The following DAXX variants were observed in gnomAD, a reference collection of about 807,000 sequenced individuals.
DAXX encodes death domain-associated protein 6.
In DAXX, 24 loss-of-function variants were observed where a neutral mutation model predicts 61.9. That is an observed-to-expected ratio of 0.39 (90% CI 0.28 to 0.55). The LOEUF (loss-of-function observed/expected upper bound fraction) is 0.55, where lower values mean the gene tolerates loss of function less well. Among genes scored for constraint, DAXX ranks in the 20% least tolerant of loss-of-function variants. DAXX has a pLI of 0.69. For synonymous variants in DAXX, 357 were observed against 369.5 expected (o/e 0.97, Z 0.39); for missense variants, 819 against 935.3 (o/e 0.88, Z 1.62).
rs769768112 is a variant in DAXX, at chr6:33,320,053, C to T, written c.1423G>A (p.Glu475Lys). ...TCTTCGTCCTCCTCTTCATCATCCT[C>T]CTGACCCTCCTGCATCTGTTCCAGA... ...EDLEQMQEGQ[E>K]DDEEEDEEEE... The change falls in exon 5 of 8, where the codon GAG (glutamate) becomes AAG (lysine). Residue 475 changes from glutamate (E) to lysine (K), a missense_variant. Transcript: ENST00000374542. The surrounding 1 kb of genome is among the most constrained non-coding windows in gnomAD (Gnocchi z 7.1). 5 of 1,613,218 alleles carry T rather than the reference C, an allele frequency of 3.1e-6. No homozygotes were observed. Among genetic ancestry groups the T allele is most frequent in the South Asian group, 1.1e-5 (1 of 91,032 alleles).
chr6:33,322,123 C>CCTG, intron 1 of DAXX, 146 bp from the exon 2 acceptor site: 1 of 492,124 alleles, frequency 2.0e-6, no homozygotes, highest in Non-Finnish European at 3.5e-6. Flanking sequence ...ACCATTAGTT[C>CCTG]TATATGCTTT....
At position 33,320,636 on chromosome 6, in the gene DAXX, A is replaced by C; in HGVS notation, c.1040-45T>G. The C allele has an allele frequency of 6.2e-7, 1 of 1,606,166 alleles. No homozygotes were observed. Among genetic ancestry groups the C allele is most frequent in the Non-Finnish European group, 8.5e-7 (1 of 1,175,654 alleles). The stretch of plus-strand genomic sequence containing the variant: ...GTCAGAGCACTCAGCCCTTGAAGGG[A>C]CTAGAAGAGTAAAAACCCTAGAAAG... On this transcript the variant is annotated intron_variant, in intron 3 of 7. Transcript: ENST00000374542. The surrounding 1 kb of genome is among the most constrained non-coding windows in gnomAD (Gnocchi z 7.1).
chr6:33,318,652 G>T lies in DAXX; in HGVS notation c.*91C>A. On this transcript the variant is annotated 3_prime_UTR_variant, in exon 8 of 8. Transcript: ENST00000374542. Reference sequence around the variant, plus strand: ...AAGAAACACCACCAAAAGGGGATTAGCTTAGTCCATCCCTTCCTCAGTCAT... The same window carrying T: ...AAGAAACACCACCAAAAGGGGATTATCTTAGTCCATCCCTTCCTCAGTCAT... The T allele has an allele frequency of 1.8e-6, 1 of 560,320 alleles. No homozygotes were observed. Among genetic ancestry groups the T allele is most frequent in the Non-Finnish European group, 3.2e-6 (1 of 311,736 alleles). The allele number at this position is 560,320 out of a possible 1,614,324, so 34.7% of individuals were successfully genotyped here. A position where few individuals can be genotyped will look rare whatever the true frequency, so the allele number is the denominator to read the frequency against.
chr6:33,318,916 G>A (rs888844551), intron 7 of DAXX, 81 bp downstream of exon 7: 145 of 1,359,230 alleles, frequency 1.1e-4, no homozygotes, highest in Non-Finnish European at 1.4e-4. Flanking sequence ...GATGTGGCAC[G>A]TGGAATATTC....
At position 33,319,385 on chromosome 6, in the gene DAXX, T is replaced by G. The variant is rs746991098; in HGVS notation, c.1935A>C (p.Gly645=). 13 of 1,610,416 alleles carry G rather than the reference T, an allele frequency of 8.1e-6. No homozygotes were observed. The Admixed American group carries it at 2.0e-4, about 25-fold the overall frequency. The change falls in exon 6 of 8, where the codon GGA becomes GGC. Residue 645 remains glycine, a synonymous_variant. Coordinates refer to ENST00000374542, the MANE Select transcript of DAXX (RefSeq NM_001141969.2). ...EKKQTGSGPL[G]NSYVERQRSV... ...CCTCCTCCTCTTGTTATTACCTGTTTCCTAATGGCCCTGATCCTGTTTGCT... is the reference window on the plus strand; with the variant it reads ...CCTCCTCCTCTTGTTATTACCTGTTGCCTAATGGCCCTGATCCTGTTTGCT...
In DAXX at chr6:33,321,677, C is replaced by G. The variant is rs767010958; in HGVS notation, c.207+42G>C. 1.2e-6 allele frequency: 2 copies of G among 1,603,110 alleles called. No homozygotes were observed. Among genetic ancestry groups the G allele is most frequent in the East Asian group, 4.5e-5 (2 of 44,624 alleles). On this transcript the variant is annotated intron_variant, in intron 2 of 7. Transcript: ENST00000374542. The surrounding 1 kb of genome is among the most constrained non-coding windows in gnomAD (Gnocchi z 7.2). ...AAGGACAGGAGAACCAGTCAGCCAT[C>G]CCCCTCCCTGGGGTACAACAATCTT...
Position 33,321,434 on chromosome 6 carries a change from G to A in DAXX, c.341C>T (p.Ser114Phe), listed in dbSNP as rs2150997743. 1 of 1,613,944 alleles carries A rather than the reference G, an allele frequency of 6.2e-7. No individual in the cohort carries two copies. Residue 114 changes from serine (S) to phenylalanine (F), a missense_variant, in exon 3 of 8, where the codon TCT (serine) becomes TTT (phenylalanine). Transcript: ENST00000374542. This position sits in a 1 kb window ranked among gnomAD's most constrained non-coding sequence, Gnocchi z 7.2. ...EFCNILSRVLSRARSRPAKLY... is the reference protein window; with the variant it reads ...EFCNILSRVLFRARSRPAKLY... ...CTTGGCTGGCCGGCTCCGGGCCCGA[G>A]ACAGGACCCTAGAGAGGATGTTGCA...
Position 33,319,272 on chromosome 6 carries a change from G to A in DAXX, c.1941-53C>T, listed in dbSNP as rs932937466. ...GGGGTACGGGAAGACTGAGGCTGGA[G>A]GGGGGCAGTCCAGTCTCTCCCAGCA... On this transcript the variant is annotated intron_variant, in intron 6 of 7. Coordinates refer to ENST00000374542, the MANE Select transcript of DAXX (RefSeq NM_001141969.2). The A allele has an allele frequency of 2.0e-5, 31 of 1,564,666 alleles. No homozygotes were observed. In the African/African-American group the frequency reaches 3.4e-4, roughly 17 times the overall value.
At chr6:33,322,494 T>G (rs6902291) in intron 1 of DAXX, 6,938 of 219,222 alleles carry the variant, frequency 0.032, 520 homozygotes, top group African/African-American at 0.15. Context: ...TATCTCCATA[T>G]TTCACCCTCC....
rs1241533855 is a variant in DAXX at position 33,321,898 on chromosome 6, G to A, written c.28C>T (p.Leu10=). The change falls in exon 2 of 8, where the codon CTG becomes TTG. Residue 10 remains leucine, a synonymous_variant. Transcript: ENST00000374542. This position sits in a 1 kb window ranked among gnomAD's most constrained non-coding sequence, Gnocchi z 7.2. The part of the protein sequence containing the change: MATANSIIV[L]DDDDEDEAAA... ...GCTTCATCTTCGTCATCATCATCCA[G>A]CACGATGATGCTGTTAGCGGTGGCC... The A allele has an allele frequency of 6.2e-7, 1 of 1,609,658 alleles. No individual in the cohort carries two copies. The highest frequency in any genetic ancestry group is 8.5e-7 in the Non-Finnish European group (1 of 1,177,268).
intron 1 of DAXX, 56 bp downstream of exon 1, chr6:33,322,806 C>A (rs576700418): frequency 4.8e-6 from 4 of 836,492 alleles, no homozygotes; most frequent in South Asian, 2.7e-5. Context: ...CTCCCCAATA[C>A]CTCTCCCTCT....
At chr6:33,318,955 A>T (rs1770164788) in intron 7 of DAXX, 42 bp downstream of exon 7, 8 of 1,552,770 alleles carry the variant, frequency 5.2e-6, no homozygotes, top group Non-Finnish European at 7.1e-6. Flanking sequence ...AGCCAATGAA[A>T]GAGAACAAAT....
In DAXX at chr6:33,321,910, T is replaced by A. The variant is rs922397176; in HGVS notation, c.16A>T (p.Ser6Cys). ...TCATCATCATCCAGCACGATGATGC[T>A]GTTAGCGGTGGCCATAGGGGATCAA... MATAN[S>C]IIVLDDDDED... Residue 6 changes from serine to cysteine, a missense_variant, in exon 2 of 8, where the codon AGC becomes TGC. Physicochemically the swap from Ser to Cys is moderately radical, Grantham distance 112. Coordinates refer to ENST00000374542, the MANE Select transcript of DAXX (RefSeq NM_001141969.2). The surrounding 1 kb of genome is among the most constrained non-coding windows in gnomAD (Gnocchi z 7.2). The A allele has an allele frequency of 3.1e-6, 5 of 1,607,802 alleles. No individual in the cohort carries two copies. Among genetic ancestry groups the A allele is most frequent in the Non-Finnish European group, 4.3e-6 (5 of 1,176,262 alleles).
chr6:33,322,879 G>A lies in DAXX; in HGVS notation c.-70C>T, dbSNP rs762814956. 8 of 1,411,408 alleles carry A rather than the reference G, an allele frequency of 5.7e-6. No homozygotes were observed. Among genetic ancestry groups the A allele is most frequent in the Non-Finnish European group, 7.6e-6 (8 of 1,048,484 alleles). 87.4% of individuals were successfully genotyped at this position (1,411,408 alleles called of 1,614,324 possible). On this transcript the variant is annotated 5_prime_UTR_variant, in exon 1 of 8. Coordinates refer to ENST00000374542, the MANE Select transcript of DAXX (RefSeq NM_001141969.2). Reference sequence around the variant, plus strand: ...GCCCCCACCTCAGAAACCGTCTCTCGAGGCGACCCTCGCCGCAATTCTCAG... The same window carrying A: ...GCCCCCACCTCAGAAACCGTCTCTCAAGGCGACCCTCGCCGCAATTCTCAG...
Position 33,321,534 on chromosome 6 carries a change from GGTCTGCT to G in DAXX, c.234_240del (p.Ala79ThrfsTer63), listed in dbSNP as rs1770616826. 1 of 1,613,800 alleles carries G rather than the reference GGTCTGCT, an allele frequency of 6.2e-7. No homozygotes were observed. Among genetic ancestry groups the G allele is most frequent in the Non-Finnish European group, 8.5e-7 (1 of 1,179,942 alleles). ...TAGAGGAATGGGACCACCTCAGGGT[GGTCTGCT>G]GTCTGCATCTTACAAAGTTCAAGGA... is the stretch of plus-strand genomic sequence containing the variant. On this transcript the variant is annotated frameshift_variant, in exon 3 of 8. Coordinates refer to ENST00000374542, the MANE Select transcript of DAXX (RefSeq NM_001141969.2). LOFTEE classifies it high-confidence loss of function. The surrounding 1 kb of genome is among the most constrained non-coding windows in gnomAD (Gnocchi z 7.2).
rs750121313 is a variant in DAXX, at chr6:33,321,679, C to T, written c.207+40G>A. ...GGACAGGAGAACCAGTCAGCCATCC[C>T]CCTCCCTGGGGTACAACAATCTTCC... On this transcript the variant is annotated intron_variant, in intron 2 of 7. Transcript: ENST00000374542. The surrounding 1 kb of genome is among the most constrained non-coding windows in gnomAD (Gnocchi z 7.2). 6.2e-7 allele frequency: 1 copy of T among 1,603,978 alleles called. No homozygotes were observed.
Position 33,321,942 on chromosome 6 carries a change from C to T in DAXX, c.-17G>A. The T allele has an allele frequency of 6.3e-7, 1 of 1,597,212 alleles. No homozygotes were observed. Among genetic ancestry groups the T allele is most frequent in the Non-Finnish European group, 8.5e-7 (1 of 1,170,150 alleles). ...GGTGGCCATAGGGGATCAAATCCCC[C>T]GGAGGGAGGAAGTGGTGGGGATTTC... On this transcript the variant is annotated 5_prime_UTR_variant, in exon 2 of 8. Coordinates refer to ENST00000374542, the MANE Select transcript of DAXX (RefSeq NM_001141969.2). The surrounding 1 kb of genome is among the most constrained non-coding windows in gnomAD (Gnocchi z 7.2).
chr6:33,320,401 T>G lies in DAXX; in HGVS notation c.1230A>C (p.Glu410Asp). Reference sequence around the variant, plus strand: ...ACACCTCACCAGAATCCAAGGAGGCTTCGGGGGTGTCTGCAGAGTGGGAAG... The same window carrying G: ...ACACCTCACCAGAATCCAAGGAGGCGTCGGGGGTGTCTGCAGAGTGGGAAG... ...GTSSHSADTP[E>D]ASLDSGEGPS... The change falls in exon 4 of 8, where the codon GAA (glutamate) becomes GAC (aspartate). Residue 410 changes from glutamate to aspartate, a missense_variant. Glu to Asp is a conservative substitution (Grantham distance 45). Coordinates refer to ENST00000374542, the MANE Select transcript of DAXX (RefSeq NM_001141969.2). This position sits in a 1 kb window ranked among gnomAD's most constrained non-coding sequence, Gnocchi z 7.1. 6.2e-7 allele frequency: 1 copy of G among 1,612,650 alleles called. No homozygotes were observed. Among genetic ancestry groups the G allele is most frequent in the South Asian group, 1.1e-5 (1 of 91,056 alleles).
At position 33,320,559 on chromosome 6, in the gene DAXX, C is replaced by T. The variant is rs2150992936; in HGVS notation, c.1072G>A (p.Ala358Thr). 1.9e-6 allele frequency: 3 copies of T among 1,613,934 alleles called. No homozygotes were observed. The highest frequency in any genetic ancestry group is 2.5e-6 in the Non-Finnish European group (3 of 1,180,004). Residue 358 changes from alanine (A) to threonine (T), a missense_variant, in exon 4 of 8, where the codon GCC becomes ACC. Physicochemically the swap from Ala to Thr is moderately conservative, Grantham distance 58. Coordinates refer to ENST00000374542, the MANE Select transcript of DAXX (RefSeq NM_001141969.2). The surrounding 1 kb of genome is among the most constrained non-coding windows in gnomAD (Gnocchi z 7.1). ...CTCCGGTTTTCCCGAAGGCGCCGGG[C>T]CAACACAGGATCTGATAGTGCAGGG... ...VDPALSDPVL[A>T]RRLRENRSLA...
Sources: gnomAD v4.1 joint callset for allele counts on GRCh38, gnomAD v4.1.1 for gene constraint, Gnocchi (gnomAD v3.1) non-coding constraint, MANE v1.5 for transcripts, NCBI Gene and HGNC (gene_info 2026-07-23, HGNC 2026-07-21) for gene names.